The following GSR variants were observed in gnomAD, a reference collection of about 807,000 sequenced individuals.
GSR encodes glutathione-disulfide reductase, also known as glutathione reductase, mitochondrial.
GSR carries 48 observed loss-of-function variants against 56.5 expected under a neutral mutation model. That is an observed-to-expected ratio of 0.85 (90% CI 0.67 to 1.08). GSR has a LOEUF of 1.08. Ranked by LOEUF, GSR falls within the 50% of genes least tolerant of loss-of-function variation. The pLI is 0.00. For missense variants in GSR, 694 were observed against 703.3 expected (o/e 0.99, Z 0.15); for synonymous variants, 264 against 270.8 (o/e 0.97, Z 0.25).
At chr8:30,710,730 AAAAAAAAAAAAAAAAGAAAAG>A (rs1804105899) in intron 2 of GSR, among the ~76,000 whole-genome samples, 3 of 103,402 alleles carry the variant, frequency 2.9e-5, no homozygotes, top group Admixed American at 1.7e-4. Context: ...AAAAAAAAAA[AAAAAAAAAAAAAAAAGAAAAG>A]AAAAAAAAGA....
chr8:30,720,499 C>A (rs1586070522), intron 1 of GSR, among the ~76,000 whole-genome samples: 1 of 152,264 alleles, frequency 6.6e-6, no homozygotes, highest in East Asian at 1.9e-4. Context: ...ATCCCTGTCT[C>A]TGTTGCATTT....
intron 1 of GSR, among the ~76,000 whole-genome samples, chr8:30,712,543 G>A (rs1804189747): frequency 6.6e-6 from 1 of 152,120 alleles, no homozygotes; most frequent in Non-Finnish European, 1.5e-5. Flanking sequence ...GTGTGGTGGT[G>A]CATGCCTGTG....
At chr8:30,685,985 C>CAAAAAAAAAAAAAAAAA (rs71206274) in intron 9 of GSR, among the ~76,000 whole-genome samples, 1 of 37,234 alleles carries the variant, frequency 2.7e-5, no homozygotes, top group African/African-American at 1.1e-4. Flanking sequence ...GACTCTGCCT[C>CAAAAAAAAAAAAAAAAA]AAAAAAAAAA....
intron 1 of GSR, among the ~76,000 whole-genome samples, chr8:30,721,672 C>T (rs1454226894): frequency 3.3e-5 from 5 of 149,758 alleles, no homozygotes; most frequent in Non-Finnish European, 5.9e-5. Flanking sequence ...AAAAAAAAGC[C>T]AAAGGGTATC....
At chr8:30,717,225 G>A (rs551074815) in intron 1 of GSR, among the ~76,000 whole-genome samples, 9 of 145,414 alleles carry the variant, frequency 6.2e-5, no homozygotes, top group Admixed American at 3.6e-4. Flanking sequence ...CAACAAGAGC[G>A]AAACTCTATC....
intron 7 of GSR, among the ~76,000 whole-genome samples, chr8:30,693,798 G>C (rs1441609808): frequency 6.6e-6 from 1 of 152,168 alleles, no homozygotes; most frequent in Non-Finnish European, 1.5e-5. Context: ...CAAAGTGCTG[G>C]GATTATAGGT....
intron 5 of GSR, among the ~76,000 whole-genome samples, chr8:30,701,943 C>T (rs1369046145): frequency 1.3e-5 from 2 of 151,880 alleles, no homozygotes; most frequent in Non-Finnish European, 2.9e-5. Flanking sequence ...ATCGCTTGAG[C>T]CATCTCCCAT....
chr8:30,690,229 G>A (rs969837540), intron 8 of GSR, among the ~76,000 whole-genome samples: 6 of 150,266 alleles, frequency 4.0e-5, no homozygotes, highest in Admixed American at 2.7e-4. Context: ...CCAGGCTGGA[G>A]TGCAGTGGCA....
chr8:30,700,722 C>CAAAAAAAAAAAAA (rs1563535549), intron 5 of GSR, among the ~76,000 whole-genome samples: 86 of 8,402 alleles, frequency 0.01, 7 homozygotes, highest in East Asian at 0.016. Context: ...GATTTTGTCT[C>CAAAAAAAAAAAAA]CAAAAAAAAA....
chr8:30,704,452 CT>C (rs370875786), intron 4 of GSR, among the ~76,000 whole-genome samples: 54 of 152,280 alleles, frequency 3.5e-4, no homozygotes, highest in African/African-American at 1.2e-3. Context: ...AATGCTTGTG[CT>C]TTCGTAAAAT....
In GSR at chr8:30,680,902, A is replaced by T. The variant is rs745705195; in HGVS notation, c.1419+2T>A. The T allele has an allele frequency of 1.2e-6, 2 of 1,613,292 alleles. No homozygotes were observed. Among genetic ancestry groups the T allele is most frequent in the South Asian group, 2.2e-5 (2 of 91,068 alleles). ...TATTTAGTTTGCTGGATTTTTCCTT[A>T]CCTTTTCTTCCTTGTTAGCACAGAC... On this transcript the variant is annotated splice_donor_variant, in intron 12 of 12. Coordinates refer to ENST00000221130, the MANE Select transcript of GSR (RefSeq NM_000637.5). LOFTEE classifies it high-confidence loss of function.
At position 30,721,874 on chromosome 8, in the gene GSR, G is replaced by C. The variant is rs539592063; in HGVS notation, c.306+5656C>G. 7.3e-5 allele frequency among the ~76,000 whole-genome samples: 11 copies of C among 151,650 alleles called. No individual in the cohort carries two copies. The East Asian group carries it at 1.4e-3, about 19-fold the overall frequency. ...CGTCTCTACAAAAAAAAAATTAGCT[G>C]GGTGTAGTGGCACACGCCTGTAGTC... is the stretch of plus-strand genomic sequence containing the variant. On this transcript the variant is annotated intron_variant, in intron 1 of 12. Transcript: ENST00000221130.
At chr8:30,714,695 T>A (rs954159573) in intron 1 of GSR, among the ~76,000 whole-genome samples, 1 of 150,878 alleles carries the variant, frequency 6.6e-6, no homozygotes, top group African/African-American at 2.4e-5. Context: ...TAAATAAAAA[T>A]TAAAAATACT....
chr8:30,706,504 CAAAT>C (rs974688049), intron 4 of GSR, among the ~76,000 whole-genome samples: 11 of 148,858 alleles, frequency 7.4e-5, no homozygotes, highest in African/African-American at 2.1e-4. Context: ...TTCTGTTTCA[CAAAT>C]AAACAAACAA....
chr8:30,679,837 C>T (rs1802883542), intron 12 of GSR, among the ~76,000 whole-genome samples, 168 bp from the exon 13 acceptor site: 1 of 151,678 alleles, frequency 6.6e-6, no homozygotes, highest in Non-Finnish European at 1.5e-5. Context: ...TCCCGAGTAG[C>T]TGGGATTACA....
chr8:30,699,659 G>T (rs1293853094), intron 6 of GSR, among the ~76,000 whole-genome samples: 1 of 151,338 alleles, frequency 6.6e-6, no homozygotes, highest in Non-Finnish European at 1.5e-5. Context: ...GGCCAGGCTG[G>T]TCTCGAGCTC....
rs764866812 is a variant in GSR at position 30,679,713 on chromosome 8, T to C, written c.1420-44A>G. 1.9e-5 allele frequency: 30 copies of C among 1,591,426 alleles called. No individual in the cohort carries two copies. The East Asian group carries it at 6.3e-4, about 33-fold the overall frequency. On this transcript the variant is annotated intron_variant, in intron 12 of 12. Transcript: ENST00000221130. ...CATTTTCTTTTCTTTCTTCTTTTTT[T>C]TTTTTTTTTGAGACGGAGTTTCACT...
At chr8:30,719,067 T>G (rs925473134) in intron 1 of GSR, among the ~76,000 whole-genome samples, 1 of 148,830 alleles carries the variant, frequency 6.7e-6, no homozygotes, top group Non-Finnish European at 1.5e-5. Flanking sequence ...GTACCTGGGA[T>G]TACAGGTGCC....
rs1802920069 is a variant in GSR at position 30,680,647 on chromosome 8, G to A, written c.1419+257C>T. Among the ~76,000 whole-genome samples, 4 of 151,584 alleles carry A rather than the reference G, an allele frequency of 2.6e-5. 1 individual carries two copies. The highest frequency in any genetic ancestry group is 2.0e-4 in the Admixed American group (3 of 15,194). ...TGACCTCAGGTGATATGCCTGCCTCGGCCTCCCAGCGTGCTGGGATTACAG... is the reference window on the plus strand; with the variant it reads ...TGACCTCAGGTGATATGCCTGCCTCAGCCTCCCAGCGTGCTGGGATTACAG... On this transcript the variant is annotated intron_variant, in intron 12 of 12. Transcript: ENST00000221130.
Sources: gnomAD v4.1 joint callset for allele counts (sites outside exome capture counted in the v4.1 genomes callset) on GRCh38, gnomAD v4.1.1 for gene constraint, MANE v1.5 for transcripts, NCBI Gene and HGNC (gene_info 2026-07-23, HGNC 2026-07-21) for gene names.